Variants in SIPA1L2 observed in about 807,000 individuals in gnomAD.
The protein encoded by SIPA1L2 is signal-induced proliferation-associated 1-like protein 2.
A neutral mutation model predicts 163.9 loss-of-function variants in SIPA1L2; 56 were observed. The observed-to-expected ratio is 0.34, with a 90% CI of 0.28 to 0.43. The LOEUF (loss-of-function observed/expected upper bound fraction) is 0.43. Ranked by LOEUF, SIPA1L2 falls within the 20% of genes least tolerant of loss-of-function variation. The probability of loss-of-function intolerance (pLI) is 1.00; values close to 1 mark genes in which losing one functional copy is unlikely to be tolerated. For missense variants in SIPA1L2, 1,974 were observed against 2,193.5 expected (o/e 0.90, Z 2.00); for synonymous variants, 877 against 865.7 (o/e 1.01, Z -0.23).
At chr1:232,443,398 G>C (rs906250855) in intron 12 of SIPA1L2, among the ~76,000 whole-genome samples, 2 of 152,162 alleles carry the variant, frequency 1.3e-5, no homozygotes, top group African/African-American at 2.4e-5. Flanking sequence ...GGAAAAAACA[G>C]GCTGAGAACA....
intron 2 of SIPA1L2, among the ~76,000 whole-genome samples, chr1:232,528,222 G>T (rs1667813957): frequency 6.6e-6 from 1 of 151,362 alleles, no homozygotes; most frequent in Non-Finnish European, 1.5e-5. Flanking sequence ...AACCCTTGTA[G>T]GTTCATTCGA....
At chr1:232,477,398 T>A (rs1300256381) in intron 7 of SIPA1L2, among the ~76,000 whole-genome samples, 1 of 152,186 alleles carries the variant, frequency 6.6e-6, no homozygotes, top group South Asian at 2.1e-4. Context: ...TTTGCCTAAT[T>A]CTCTATCTCC....
chr1:232,500,664 G>C (rs749834976), intron 3 of SIPA1L2, among the ~76,000 whole-genome samples: 3 of 152,208 alleles, frequency 2.0e-5, no homozygotes, highest in Non-Finnish European at 2.9e-5. Context: ...TTTTATGGAT[G>C]AGCAAAGAAA....
chr1:232,506,324 GTAT>G (rs1053918853), intron 3 of SIPA1L2, among the ~76,000 whole-genome samples: 13 of 152,164 alleles, frequency 8.5e-5, no homozygotes, highest in Non-Finnish European at 1.2e-4. Context: ...GGGGGGATTT[GTAT>G]TATTATCATC....
chr1:232,593,098 C>T (rs889195998), intron 1 of SIPA1L2, among the ~76,000 whole-genome samples: 1 of 152,156 alleles, frequency 6.6e-6, no homozygotes. Context: ...CTGAAGACAG[C>T]GTGTTCAAGG....
intron 22 of SIPA1L2, among the ~76,000 whole-genome samples, chr1:232,402,059 G>A (rs530165061): frequency 6.6e-6 from 1 of 152,330 alleles, no homozygotes; most frequent in South Asian, 2.1e-4. Flanking sequence ...GGACTCCTCT[G>A]AGGTCATCTC....
At chr1:232,599,153 C>CA (rs1661450059) in intron 1 of SIPA1L2, among the ~76,000 whole-genome samples, 2 of 152,020 alleles carry the variant, frequency 1.3e-5, no homozygotes, top group Middle Eastern at 3.2e-3. Flanking sequence ...ATGCTTAAAC[C>CA]CTATAAAGTG....
At chr1:232,464,121 T>C (rs182733786) in intron 9 of SIPA1L2, among the ~76,000 whole-genome samples, 39 of 152,338 alleles carry the variant, frequency 2.6e-4, no homozygotes, top group African/African-American at 9.4e-4. Context: ...GTTTTTTTCT[T>C]ATATTACCAA....
In SIPA1L2 at chr1:232,514,992, A is replaced by G. The variant is rs764417450; in HGVS notation, c.348T>C (p.Asn116=). The change falls in exon 3 of 23, where the codon AAT becomes AAC. Residue 116 remains asparagine, a synonymous_variant. Coordinates refer to ENST00000674635, the MANE Select transcript of SIPA1L2 (RefSeq NM_020808.5). ...SYESITSVLQ[N]GQSDQSEGQQ... ...GACCTTCACTCTGGTCACTCTGCCC[A>G]TTCTGCAGGACAGAAGTGATGCTTT... 1.4e-5 allele frequency: 23 copies of G among 1,614,066 alleles called. No homozygotes were observed. The African/African-American group carries it at 2.4e-4, about 17-fold the overall frequency.
At chr1:232,627,116 C>T (rs1176750470) in intron 1 of SIPA1L2, among the ~76,000 whole-genome samples, 1 of 152,126 alleles carries the variant, frequency 6.6e-6, no homozygotes, top group Non-Finnish European at 1.5e-5. Flanking sequence ...TTCAGTGTGT[C>T]TTTAAAAGGA....
At position 232,428,513 on chromosome 1, in the gene SIPA1L2, C is replaced by A; in HGVS notation, c.4308G>T (p.Val1436=). ...VMSTATQHQT[V]VGDAVAETQH... is the part of the protein sequence containing the mutation. ...GAGTCTCTGCAACAGCATCTCCCAC[C>A]ACTGTCTGATGCTGAGTTGCTGTGG... The change falls in exon 17 of 23, where the codon GTG becomes GTT. Residue 1436 remains valine (V), a synonymous_variant. Coordinates refer to ENST00000674635, the MANE Select transcript of SIPA1L2 (RefSeq NM_020808.5). The A allele has an allele frequency of 6.3e-7, 1 of 1,595,920 alleles. No individual in the cohort carries two copies. The highest frequency in any genetic ancestry group is 8.5e-7 in the Non-Finnish European group (1 of 1,172,724).
chr1:232,525,040 TA>T (rs1667628215), intron 2 of SIPA1L2, among the ~76,000 whole-genome samples: 1 of 152,088 alleles, frequency 6.6e-6, no homozygotes, highest in African/African-American at 2.4e-5. Context: ...CTTCCTTGTA[TA>T]AAAAGAGGAC....
At chr1:232,489,060 T>C (rs1368792651) in intron 5 of SIPA1L2, among the ~76,000 whole-genome samples, 1 of 152,206 alleles carries the variant, frequency 6.6e-6, no homozygotes, top group Non-Finnish European at 1.5e-5. Context: ...TGAGGGCTTC[T>C]GGGGAACATG....
Position 232,555,076 on chromosome 1 carries a change from T to C in SIPA1L2, c.-270+19098A>G, listed in dbSNP as rs532106838. 3.9e-5 allele frequency among the ~76,000 whole-genome samples: 6 copies of C among 152,312 alleles called. No homozygotes were observed. The South Asian group carries it at 1.2e-3, about 32-fold the overall frequency. On this transcript the variant is annotated intron_variant, in intron 2 of 22. Transcript: ENST00000674635. ...GCTTTTACTTTAAAATCAGTTACAA[T>C]ACAAACATGTGAAAAACTTCTAGGT...
rs1428684828 is a variant in SIPA1L2, at chr1:232,465,224, C to T, written c.2436G>A (p.Leu812=). ...TRTRQEYLKD[L]AENFVTTATV... Reference sequence around the variant, plus strand: ...TGGCGGTTGTGACAAAGTTCTCCGCCAGATCTTTCAAGTACTCCTGCCTCG... The same window carrying T: ...TGGCGGTTGTGACAAAGTTCTCCGCTAGATCTTTCAAGTACTCCTGCCTCG... Residue 812 remains leucine, a synonymous_variant, in exon 9 of 23, where the codon CTG becomes CTA. Coordinates refer to ENST00000674635, the MANE Select transcript of SIPA1L2 (RefSeq NM_020808.5). This position sits in a 1 kb window ranked among gnomAD's most constrained non-coding sequence, Gnocchi z 4.1. 2.5e-6 allele frequency: 4 copies of T among 1,614,058 alleles called. No individual in the cohort carries two copies. The highest frequency in any genetic ancestry group is 2.2e-5 in the South Asian group (2 of 91,082).
intron 2 of SIPA1L2, among the ~76,000 whole-genome samples, chr1:232,525,416 T>G (rs868374160): frequency 4.8e-5 from 3 of 62,288 alleles, no homozygotes; most frequent in Non-Finnish European, 1.3e-4. Flanking sequence ...TTTTTTTTTT[T>G]TTTTTTTTTT....
intron 1 of SIPA1L2, among the ~76,000 whole-genome samples, chr1:232,585,871 T>C (rs1205839465): frequency 6.6e-6 from 1 of 152,168 alleles, no homozygotes; most frequent in African/African-American, 2.4e-5. Context: ...ACTCCAAAAA[T>C]GCTTGCTGAA....
intron 11 of SIPA1L2, among the ~76,000 whole-genome samples, chr1:232,445,323 C>G (rs1313729397): frequency 6.6e-6 from 1 of 152,168 alleles, no homozygotes; most frequent in Non-Finnish European, 1.5e-5. Context: ...TGGGCAGAAC[C>G]TGCATTTTAC....
chr1:232,432,714 G>A (rs117481421), intron 15 of SIPA1L2, among the ~76,000 whole-genome samples: 23 of 152,280 alleles, frequency 1.5e-4, no homozygotes, highest in East Asian at 7.7e-4. Flanking sequence ...AAACATGGCC[G>A]GGGAAATCTG....
Sources: gnomAD v4.1 joint callset for allele counts (sites outside exome capture counted in the v4.1 genomes callset) on GRCh38, gnomAD v4.1.1 for gene constraint, Gnocchi (gnomAD v3.1) non-coding constraint, MANE v1.5 for transcripts, NCBI Gene and HGNC (gene_info 2026-07-23, HGNC 2026-07-21) for gene names.